Variants in TBXAS1 observed in about 807,000 individuals in gnomAD.
The protein encoded by TBXAS1 is thromboxane-A synthase.
In TBXAS1, 48 loss-of-function variants were observed where a neutral mutation model predicts 60.7. The observed-to-expected ratio is 0.79, with a 90% CI of 0.63 to 1.01. The LOEUF is 1.01. Among genes scored for constraint, TBXAS1 ranks in the 50% least tolerant of loss-of-function variants. The probability of loss-of-function intolerance (pLI) is 0.00; values close to 1 mark genes in which losing one functional copy is unlikely to be tolerated. For synonymous variants in TBXAS1, 287 were observed against 269.7 expected, an observed-to-expected ratio of 1.06 and a Z score of -0.63; for missense variants, 685 against 686.3, an observed-to-expected ratio of 1.00 and a Z score of 0.02.
chr7:139,825,153 A>T (rs1798406016), upstream of TBXAS1, among the ~76,000 whole-genome samples: 1 of 151,320 alleles, frequency 6.6e-6, no homozygotes, highest in Admixed American at 6.6e-5. Context: ...TTTAATAGAC[A>T]TATTAGTAAA....
intron 9 of TBXAS1, among the ~76,000 whole-genome samples, chr7:140,005,983 A>G (rs375364265): frequency 6.6e-6 from 1 of 152,182 alleles, no homozygotes; most frequent in African/African-American, 2.4e-5. Flanking sequence ...CAGGGTGGCC[A>G]GTGGCTGCTC....
At chr7:139,816,515 A>G (rs1025079809) in intron 4 of TBXAS1, among the ~76,000 whole-genome samples, 5 of 152,090 alleles carry the variant, frequency 3.3e-5, no homozygotes, top group African/African-American at 1.2e-4. Context: ...TAGAATTTTA[A>G]AGGATCTCCC....
At chr7:139,893,164 T>C (rs377080622) in intron 3 of TBXAS1, among the ~76,000 whole-genome samples, 1 of 152,176 alleles carries the variant, frequency 6.6e-6, no homozygotes, top group South Asian at 2.1e-4. Flanking sequence ...ATTCTTCCCA[T>C]GGCACTGGGC....
chr7:139,874,343 A>G (rs1355778419), intron 2 of TBXAS1, among the ~76,000 whole-genome samples: 1 of 152,182 alleles, frequency 6.6e-6, no homozygotes, highest in Admixed American at 6.5e-5. Flanking sequence ...TTTGGTATTA[A>G]CATTCTGAGG....
At chr7:139,935,306 TTA>T (rs1403410361) in intron 4 of TBXAS1, among the ~76,000 whole-genome samples, 1 of 152,264 alleles carries the variant, frequency 6.6e-6, no homozygotes, top group African/African-American at 2.4e-5. Context: ...TCTGGATTAC[TTA>T]TAATACCTCA....
At chr7:139,983,322 A>G (rs1265954430) in intron 9 of TBXAS1, among the ~76,000 whole-genome samples, 1 of 152,246 alleles carries the variant, frequency 6.6e-6, no homozygotes, top group Admixed American at 6.5e-5. Flanking sequence ...AGAAAAACAT[A>G]GAAACATAAA....
intron 9 of TBXAS1, among the ~76,000 whole-genome samples, chr7:139,990,189 C>T (rs528216586): frequency 7.9e-5 from 12 of 152,346 alleles, no homozygotes; most frequent in Admixed American, 5.2e-4. Context: ...ATCTTATACC[C>T]ACACCTCCCT....
At chr7:139,899,619 T>G (rs912835763) in intron 3 of TBXAS1, among the ~76,000 whole-genome samples, 1 of 152,252 alleles carries the variant, frequency 6.6e-6, no homozygotes, top group Admixed American at 6.5e-5. Context: ...TAAATGTAGA[T>G]GAATAACTGG....
chr7:139,931,689 A>AC (rs1807341436), intron 4 of TBXAS1, among the ~76,000 whole-genome samples: 1 of 152,008 alleles, frequency 6.6e-6, no homozygotes, highest in Non-Finnish European at 1.5e-5. Flanking sequence ...GAAAGACGTG[A>AC]CCCCACGATT....
At chr7:139,810,322 C>G (rs1184656967) in intron 4 of TBXAS1, among the ~76,000 whole-genome samples, 1 of 152,184 alleles carries the variant, frequency 6.6e-6, no homozygotes, top group Non-Finnish European at 1.5e-5. Flanking sequence ...AGGTGAGCCA[C>G]TGTGCCCGGC....
intron 1 of TBXAS1, among the ~76,000 whole-genome samples, chr7:139,837,264 C>T (rs1056523608): frequency 6.6e-6 from 1 of 152,130 alleles, no homozygotes; most frequent in Admixed American, 6.5e-5. Context: ...CCCTAAAGAA[C>T]CAAAAGTAGA....
At chr7:139,943,771 G>A (rs977845935) in intron 5 of TBXAS1, among the ~76,000 whole-genome samples, 4 of 152,132 alleles carry the variant, frequency 2.6e-5, no homozygotes, top group African/African-American at 7.2e-5. Context: ...GGCTTTTAGC[G>A]ATGGTGTAGT....
At chr7:139,998,630 T>G (rs187029161) in intron 9 of TBXAS1, among the ~76,000 whole-genome samples, 2 of 152,282 alleles carry the variant, frequency 1.3e-5, no homozygotes, top group Admixed American at 6.5e-5. Flanking sequence ...GTATAATGGA[T>G]GTAAAAATCC....
rs1319502634 is a variant in TBXAS1, at chr7:139,778,518, C to CGGA, written c.-318+53_-318+55dup. 1 of 152,374 alleles carries CGGA rather than the reference C, an allele frequency of 6.6e-6. No individual in the cohort carries two copies. Among genetic ancestry groups the CGGA allele is most frequent in the Non-Finnish European group, 1.5e-5 (1 of 68,182 alleles). 9.4% of individuals were successfully genotyped at this position (152,374 alleles called of 1,614,324 possible). ...GAAGGAGTGGGCGCGCGCCGTGCTC[C>CGGA]GGAGGAGGGCGGGTGAGTGGAGGAG... On this transcript the variant is annotated intron_variant, in intron 1 of 16. Transcript: ENST00000336425. This position sits in a 1 kb window ranked among gnomAD's most constrained non-coding sequence, Gnocchi z 4.8.
intron 1 of TBXAS1, among the ~76,000 whole-genome samples, chr7:139,844,862 A>T (rs1460632225): frequency 6.6e-6 from 1 of 152,170 alleles, no homozygotes. Flanking sequence ...TTTACAGTGT[A>T]GGGACAGACA....
upstream of TBXAS1, among the ~76,000 whole-genome samples, chr7:139,828,512 T>C (rs2116469185): frequency 6.6e-6 from 1 of 152,266 alleles, no homozygotes; most frequent in Non-Finnish European, 1.5e-5. Flanking sequence ...GTGGGTCCTT[T>C]TGGGATTGCT....
chr7:139,922,920 C>T (rs1806588646), intron 4 of TBXAS1, among the ~76,000 whole-genome samples: 1 of 152,216 alleles, frequency 6.6e-6, no homozygotes, highest in Non-Finnish European at 1.5e-5. Flanking sequence ...ATCAAGAGAT[C>T]ATATGTGTGA....
At chr7:139,967,275 TC>T (rs1405232347) in intron 9 of TBXAS1, among the ~76,000 whole-genome samples, 4 of 152,150 alleles carry the variant, frequency 2.6e-5, no homozygotes, top group African/African-American at 9.7e-5. Flanking sequence ...TTTCCTTTGC[TC>T]AAATAGGCAG....
intron 1 of TBXAS1, among the ~76,000 whole-genome samples, chr7:139,867,781 C>T (rs1211445930): frequency 6.6e-6 from 1 of 151,992 alleles, no homozygotes; most frequent in East Asian, 1.9e-4. Context: ...TGTGCCACTG[C>T]ACTCCAGCCT....
Sources: allele counts gnomAD v4.1 joint callset (sites outside exome capture counted in the v4.1 genomes callset), GRCh38; gene constraint gnomAD v4.1.1; non-coding constraint Gnocchi (gnomAD v3.1); transcripts MANE v1.5; gene names NCBI Gene and HGNC (gene_info 2026-07-23, HGNC 2026-07-21).